MUC7: variants seen among roughly 807,000 people sequenced by gnomAD.
The protein encoded by MUC7 is mucin-7.
A neutral mutation model predicts 2.5 loss-of-function variants in MUC7; 2 were observed. The ratio of observed to expected loss-of-function variants is 0.81; its 90% CI spans 0.33 to 2.55. The LOEUF is 2.55. MUC7 is among the 30% of genes most tolerant of loss of function. The pLI is 0.11. For missense variants in MUC7, 408 were observed against 455.6 expected (o/e 0.90, Z 0.95); for synonymous variants, 133 against 173.4 (o/e 0.77, Z 1.83).
rs1735225425 is a variant in MUC7, at chr4:70,482,366, T to C, written c.*488T>C. On this transcript the variant is annotated 3_prime_UTR_variant, in exon 3 of 3. Transcript: ENST00000304887. ...CTATCTAAATATATTGATAGACCTG[T>C]CATTGTATTGATTAATGACAAAACC... The C allele has an allele frequency of 6.5e-6, 1 of 154,098 alleles. No individual in the cohort carries two copies. The highest frequency in any genetic ancestry group is 6.4e-5 in the Admixed American group (1 of 15,650). The allele number at this position is 154,098 out of a possible 1,614,324, so 9.5% of individuals were successfully genotyped here.
upstream of MUC7, among the ~76,000 whole-genome samples, chr4:70,471,370 A>C (rs911975278): frequency 5.9e-5 from 9 of 152,200 alleles, no homozygotes; most frequent in Admixed American, 1.3e-4. Flanking sequence ...GAGTCCTGGT[A>C]GGAACAAAAT....
At chr4:70,445,574 C>A (rs28660143) in intron 1 of MUC7, among the ~76,000 whole-genome samples, 23,220 of 152,166 alleles carry the variant, frequency 0.15, 1,903 homozygotes, top group Middle Eastern at 0.25. Context: ...CTCAGCACAG[C>A]ACCTAGTCCT....
At chr4:70,474,290 T>A (rs1031331871) in intron 2 of MUC7, among the ~76,000 whole-genome samples, 1 of 152,028 alleles carries the variant, frequency 6.6e-6, no homozygotes, top group Non-Finnish European at 1.5e-5. Context: ...GGAGGATCAC[T>A]TGAGCTCAGA....
chr4:70,438,650 G>A (rs963990107), intron 1 of MUC7, among the ~76,000 whole-genome samples: 1 of 151,878 alleles, frequency 6.6e-6, no homozygotes, highest in Non-Finnish European at 1.5e-5. Context: ...TAGAGATGAG[G>A]TTTCACCATG....
intron 1 of MUC7, among the ~76,000 whole-genome samples, chr4:70,459,124 A>C (rs1389232098): frequency 2.0e-5 from 3 of 152,194 alleles, no homozygotes; most frequent in African/African-American, 4.8e-5. Context: ...AGATGACAAA[A>C]AATAAGGATA....
chr4:70,451,668 T>C (rs1279860228), intron 1 of MUC7, among the ~76,000 whole-genome samples: 1 of 152,194 alleles, frequency 6.6e-6, no homozygotes, highest in East Asian at 1.9e-4. Context: ...TAAGACTTGT[T>C]TTGTGACCTA....
intron 1 of MUC7, among the ~76,000 whole-genome samples, chr4:70,443,327 A>AT (rs1195973500): frequency 6.6e-6 from 1 of 151,780 alleles, no homozygotes; most frequent in Admixed American, 6.6e-5. Context: ...TTACCTTAAA[A>AT]AAAAAACAGC....
intron 1 of MUC7, among the ~76,000 whole-genome samples, chr4:70,456,783 T>C (rs1241663775): frequency 1.3e-5 from 2 of 152,210 alleles, no homozygotes; most frequent in Non-Finnish European, 2.9e-5. Context: ...TCAATAATGT[T>C]TGCACATTCA....
chr4:70,438,131 G>A (rs1577897744), intron 1 of MUC7, among the ~76,000 whole-genome samples: 1 of 152,260 alleles, frequency 6.6e-6, no homozygotes, highest in East Asian at 1.9e-4. Context: ...GTACTGGAAA[G>A]GCTTACAACC....
chr4:70,431,871 A>G (rs972608492), intron 1 of MUC7, among the ~76,000 whole-genome samples: 12 of 152,204 alleles, frequency 7.9e-5, no homozygotes, highest in African/African-American at 2.6e-4. Flanking sequence ...AACATTAGGT[A>G]TATCTCCTAA....
chr4:70,476,638 T>A (rs551792707), intron 2 of MUC7, among the ~76,000 whole-genome samples: 2 of 152,016 alleles, frequency 1.3e-5, no homozygotes, highest in Non-Finnish European at 2.9e-5. Context: ...AATACAAAAA[T>A]TAGCTGGGCG....
At chr4:70,439,471 T>C (rs1048435323) in intron 1 of MUC7, among the ~76,000 whole-genome samples, 1 of 152,184 alleles carries the variant, frequency 6.6e-6, no homozygotes, top group African/African-American at 2.4e-5. Context: ...CTATAGGGGA[T>C]CAAAATGAAA....
intron 2 of MUC7, among the ~76,000 whole-genome samples, chr4:70,480,127 T>C (rs1322232771): frequency 2.6e-5 from 4 of 152,232 alleles, no homozygotes; most frequent in Admixed American, 2.0e-4. Context: ...ACAAAATGCA[T>C]AAACATGCAA....
At chr4:70,466,806 C>A (rs1399030292) in intron 1 of MUC7, among the ~76,000 whole-genome samples, 3 of 152,090 alleles carry the variant, frequency 2.0e-5, no homozygotes, top group Admixed American at 1.3e-4. Flanking sequence ...CACAATAATA[C>A]TGGGAGACTT....
intron 1 of MUC7, among the ~76,000 whole-genome samples, chr4:70,459,035 G>A (rs4544774): frequency 0.81 from 122,839 of 152,124 alleles, 50,060 homozygotes; most frequent in Middle Eastern, 0.88. Context: ...GAAATATAAA[G>A]CAGTATTATA....
At position 70,452,473 on chromosome 4, in the gene MUC7, C is replaced by T. The variant is rs373729016; in HGVS notation, c.-92-19742C>T. Among the ~76,000 whole-genome samples the T allele has an allele frequency of 5.9e-5, 9 of 151,964 alleles. No individual in the cohort carries two copies. In the East Asian group the frequency reaches 1.4e-3, roughly 23 times the overall value. On this transcript the variant is annotated intron_variant, in intron 1 of 3. Transcript: ENST00000413702. The stretch of plus-strand genomic sequence containing the variant: ...GAGGCTTACAAATAATATCATATAA[C>T]CCATTAGTTTAAACTGATGACAACT...
At chr4:70,464,648 G>A (rs948543284) in intron 1 of MUC7, among the ~76,000 whole-genome samples, 57 of 152,038 alleles carry the variant, frequency 3.7e-4, no homozygotes, top group African/African-American at 1.3e-3. Context: ...GAACTGCATG[G>A]AGCACACCAA....
intron 1 of MUC7, among the ~76,000 whole-genome samples, chr4:70,457,865 A>G (rs1446921904): frequency 6.6e-6 from 1 of 152,146 alleles, no homozygotes; most frequent in Non-Finnish European, 1.5e-5. Flanking sequence ...CTCACAAAGG[A>G]AAAATCTTCC....
chr4:70,478,795 T>C (rs1735082889), intron 2 of MUC7, among the ~76,000 whole-genome samples: 2 of 152,016 alleles, frequency 1.3e-5, no homozygotes, highest in South Asian at 4.2e-4. Flanking sequence ...ACCTGTTCTA[T>C]TTTATATGAG....
Sources: allele counts gnomAD v4.1 joint callset (sites outside exome capture counted in the v4.1 genomes callset), GRCh38; gene constraint gnomAD v4.1.1; transcripts MANE v1.5; gene names NCBI Gene and HGNC (gene_info 2026-07-23, HGNC 2026-07-21).